Variants in GBP7 observed in about 807,000 individuals in gnomAD.
GBP7 encodes the protein guanylate-binding protein 7.
In GBP7, 43 loss-of-function variants were observed where a neutral mutation model predicts 61.3. The observed-to-expected ratio is 0.70, with a 90% CI of 0.55 to 0.91. The LOEUF (loss-of-function observed/expected upper bound fraction) is 0.91. GBP7 is among the 40% of genes least tolerant of loss of function. The probability of loss-of-function intolerance (pLI) is 0.00; values close to 1 mark genes in which losing one functional copy is unlikely to be tolerated. For missense variants in GBP7, 717 were observed against 740.5 expected, an observed-to-expected ratio of 0.97 and a Z score of 0.37; for synonymous variants, 267 against 271.0, an observed-to-expected ratio of 0.99 and a Z score of 0.14.
rs1396989570 is a variant in GBP7 at position 89,152,327 on chromosome 1, A to T, written c.566T>A (p.Leu189Ter). The change falls in exon 5 of 11, where the codon TTA (leucine) becomes TAA (stop). Residue 189 changes from leucine to a stop codon, truncating the protein, a stop_gained. Coordinates refer to ENST00000294671, the MANE Select transcript of GBP7 (RefSeq NM_207398.3). LOFTEE classifies it high-confidence loss of function. ...TVRDFTLELK[L>*]DGHPITEDEY... ...ATCTTCTGTGATGGGGTGTCCATCT[A>T]ACTTCAGCTCCAGGGTAAAATCTCG... 1 of 1,614,026 alleles carries T rather than the reference A, an allele frequency of 6.2e-7. No homozygotes were observed. The highest frequency in any genetic ancestry group is 8.5e-7 in the Non-Finnish European group (1 of 1,180,022).
chr1:89,132,456 AGGTTT>A, intron 10 of GBP7, 53 bp from the exon 11 acceptor site: 1 of 1,367,298 alleles, frequency 7.3e-7, no homozygotes, highest in Non-Finnish European at 1.0e-6. Context: ...TAAGAGACCG[AGGTTT>A]GTATTTAACA....
intron 3 of GBP7, among the ~76,000 whole-genome samples, chr1:89,158,693 G>A (rs1349626567): frequency 6.6e-6 from 1 of 152,136 alleles, no homozygotes; most frequent in South Asian, 2.1e-4. Context: ...ACAAACCTCT[G>A]CTCAATGAAG....
chr1:89,134,613 A>G (rs989998295), intron 9 of GBP7, among the ~76,000 whole-genome samples: 9 of 152,110 alleles, frequency 5.9e-5, no homozygotes, highest in African/African-American at 2.2e-4. Flanking sequence ...AGAAAAAAAA[A>G]AAAAAAACCC....
intron 9 of GBP7, among the ~76,000 whole-genome samples, chr1:89,133,856 A>G (rs184915802): frequency 2.1e-3 from 317 of 152,286 alleles, no homozygotes; most frequent in Non-Finnish European, 3.7e-3. Flanking sequence ...CTTGGTAGGG[A>G]CAGGACTCTG....
chr1:89,155,637 TGAGAA>T (rs1682300907), intron 3 of GBP7, among the ~76,000 whole-genome samples: 1 of 151,768 alleles, frequency 6.6e-6, no homozygotes, highest in Non-Finnish European at 1.5e-5. Context: ...TGAAATGAAG[TGAGAA>T]GAGAAGTTTA....
chr1:89,171,651 C>G, intron 2 of GBP7, 95 bp downstream of exon 2: 2 of 1,136,006 alleles, frequency 1.8e-6, no homozygotes, highest in Non-Finnish European at 2.5e-6. Flanking sequence ...ATACTTATCC[C>G]CAACACTAAC....
At chr1:89,163,851 T>TTTTTTTG (rs1411470496) in intron 3 of GBP7, among the ~76,000 whole-genome samples, 1 of 151,970 alleles carries the variant, frequency 6.6e-6, no homozygotes, top group Non-Finnish European at 1.5e-5. Flanking sequence ...TTCTTTCTTT[T>TTTTTTTG]TTTTTTGTTT....
At chr1:89,159,797 G>T (rs1217365010) in intron 3 of GBP7, among the ~76,000 whole-genome samples, 1 of 152,172 alleles carries the variant, frequency 6.6e-6, no homozygotes, top group Non-Finnish European at 1.5e-5. Context: ...GTGGAAGACG[G>T]CGTGGTGATT....
At chr1:89,154,655 C>T (rs61798769) in intron 3 of GBP7, among the ~76,000 whole-genome samples, 1 of 149,200 alleles carries the variant, frequency 6.7e-6, no homozygotes, top group Non-Finnish European at 1.5e-5. Flanking sequence ...CCTCTATTTT[C>T]CTTTTTTTTT....
intron 10 of GBP7, 75 bp from the exon 11 acceptor site, chr1:89,132,478 T>C: frequency 5.6e-6 from 6 of 1,079,598 alleles, no homozygotes; most frequent in Non-Finnish European, 8.0e-6. Context: ...AACAATTTCA[T>C]TAGTTAAACA....
At chr1:89,153,623 A>G (rs1395901683) in intron 3 of GBP7, among the ~76,000 whole-genome samples, 1 of 152,242 alleles carries the variant, frequency 6.6e-6, no homozygotes, top group Non-Finnish European at 1.5e-5. Context: ...AAGTTCCATA[A>G]TCACAAGAAG....
chr1:89,146,407 C>T (rs566513517), intron 8 of GBP7, among the ~76,000 whole-genome samples: 14 of 152,114 alleles, frequency 9.2e-5, no homozygotes, highest in Admixed American at 5.2e-4. Flanking sequence ...GCACAGGAAA[C>T]AAGTGCTAAA....
rs753330087 is a variant in GBP7, at chr1:89,132,258, A to G, written c.1808T>C (p.Ile603Thr). ...FSQILDVAGS[I>T]FIAALPGAAK... ...AGCCCCAGGTAGTGCTGCAATAAAT[A>G]TACTGCCAGCCACATCAAGAATCTG... The change falls in exon 11 of 11, where the codon ATA (isoleucine) becomes ACA (threonine). Residue 603 changes from isoleucine (I) to threonine (T), a missense_variant. Coordinates refer to ENST00000294671, the MANE Select transcript of GBP7 (RefSeq NM_207398.3). 5.0e-6 allele frequency: 8 copies of G among 1,613,890 alleles called. No individual in the cohort carries two copies. Among genetic ancestry groups the G allele is most frequent in the African/African-American group, 2.7e-5 (2 of 74,914 alleles).
chr1:89,150,221 T>C (rs1259143753), intron 6 of GBP7, 109 bp downstream of exon 6: 2 of 1,035,160 alleles, frequency 1.9e-6, no homozygotes, highest in Non-Finnish European at 2.9e-6. Context: ...CCACACCTCA[T>C]AACACAGATG....
intron 3 of GBP7, among the ~76,000 whole-genome samples, chr1:89,153,248 A>C (rs764770386): frequency 6.6e-6 from 1 of 152,184 alleles, no homozygotes; most frequent in Non-Finnish European, 1.5e-5. Context: ...TTCACTTATT[A>C]ATTCATTCAT....
chr1:89,132,102 A>G lies in GBP7; in HGVS notation c.*47T>C. 1 of 1,485,734 alleles carries G rather than the reference A, an allele frequency of 6.7e-7. No homozygotes were observed. Among genetic ancestry groups the G allele is most frequent in the East Asian group, 2.3e-5 (1 of 43,990 alleles). The allele number at this position is 1,485,734 out of a possible 1,614,324, so 92.0% of individuals were successfully genotyped here. On this transcript the variant is annotated 3_prime_UTR_variant, in exon 11 of 11. Transcript: ENST00000294671. ...TAAATGAAACTGCAATAACACATAT[A>G]CTTTTAAAATGAGCAACAGCGTTAT...
At position 89,156,048 on chromosome 1, in the gene GBP7, A is replaced by G. The variant is rs551788883; in HGVS notation, c.319-3271T>C. On this transcript the variant is annotated intron_variant, in intron 3 of 10. Transcript: ENST00000294671. Reference sequence around the variant, plus strand: ...ACAAGCCAGAAGAGAGTGGGGGCCAATATTCAACATTCTTAAAAGAATTTT... The same window carrying G: ...ACAAGCCAGAAGAGAGTGGGGGCCAGTATTCAACATTCTTAAAAGAATTTT... 7.5e-4 allele frequency among the ~76,000 whole-genome samples: 114 copies of G among 152,354 alleles called. 2 individuals carry two copies. Among genetic ancestry groups the G allele is most frequent in the East Asian group, 1.3e-3 (7 of 5,196 alleles).
At chr1:89,159,792 A>G (rs1363547396) in intron 3 of GBP7, among the ~76,000 whole-genome samples, 1 of 152,222 alleles carries the variant, frequency 6.6e-6, no homozygotes, top group Non-Finnish European at 1.5e-5. Flanking sequence ...ACCATGTGGA[A>G]GACGGCGTGG....
At chr1:89,140,039 A>G (rs1054708942) in intron 9 of GBP7, among the ~76,000 whole-genome samples, 1 of 152,086 alleles carries the variant, frequency 6.6e-6, no homozygotes, top group Non-Finnish European at 1.5e-5. Flanking sequence ...CTTGGAACCA[A>G]CCCAAATGTC....
Sources: allele counts gnomAD v4.1 joint callset (sites outside exome capture counted in the v4.1 genomes callset), GRCh38; gene constraint gnomAD v4.1.1; transcripts MANE v1.5; gene names NCBI Gene and HGNC (gene_info 2026-07-23, HGNC 2026-07-21).